Variants in KCTD16 observed in about 807,000 individuals in gnomAD.
KCTD16 encodes the protein potassium channel tetramerization domain containing 16, also known as BTB/POZ domain-containing protein KCTD16.
Under a neutral mutation model 33.2 loss-of-function variants are expected in KCTD16, and 13 were observed. That is an observed-to-expected ratio of 0.39 (90% CI 0.25 to 0.62). KCTD16 has a LOEUF of 0.62. Ranked by LOEUF, KCTD16 falls within the 20% of genes least tolerant of loss-of-function variation. The pLI is 0.50. For missense variants in KCTD16, 441 were observed against 525.1 expected, an observed-to-expected ratio of 0.84 and a Z score of 1.57; for synonymous variants, 197 against 195.3, an observed-to-expected ratio of 1.01 and a Z score of -0.07.
At position 144,209,848 on chromosome 5, in the gene KCTD16, GTA is replaced by G. The variant is rs1313507118; in HGVS notation, c.832+2311_832+2312del. ...TATAAATATATATATATTTATATGTGTATATATATACACATATATATGTGTGT... is the reference window on the plus strand; with the variant it reads ...TATAAATATATATATATTTATATGTGTATATATACACATATATATGTGTGT... On this transcript the variant is annotated intron_variant, in intron 3 of 3. Coordinates refer to ENST00000512467, the MANE Select transcript of KCTD16 (RefSeq NM_020768.4). 3.6e-4 allele frequency among the ~76,000 whole-genome samples: 52 copies of G among 143,954 alleles called. 1 individual carries two copies. The highest frequency in any genetic ancestry group is 1.3e-3 in the African/African-American group (52 of 38,996). 94.4% of individuals were successfully genotyped at this position (143,954 alleles called of 152,430 possible).
chr5:144,386,569 A>G (rs183939485), intron 3 of KCTD16, among the ~76,000 whole-genome samples: 287 of 152,298 alleles, frequency 1.9e-3, no homozygotes, highest in Admixed American at 2.9e-3. Context: ...CATTGTAAAT[A>G]CTCAATACAT....
intron 3 of KCTD16, among the ~76,000 whole-genome samples, chr5:144,363,816 G>C (rs146011631): frequency 2.6e-5 from 4 of 152,252 alleles, no homozygotes; most frequent in African/African-American, 9.6e-5. Flanking sequence ...CTTTTCCCTT[G>C]TCTTCTGCCT....
chr5:144,209,247 G>A (rs2126792023), intron 3 of KCTD16, among the ~76,000 whole-genome samples: 1 of 152,242 alleles, frequency 6.6e-6, no homozygotes, highest in South Asian at 2.1e-4. Flanking sequence ...ACATAAATGA[G>A]ACCCACACAC....
chr5:144,181,090 G>A (rs566320484), intron 2 of KCTD16, among the ~76,000 whole-genome samples: 6 of 151,972 alleles, frequency 3.9e-5, no homozygotes, highest in African/African-American at 9.6e-5. Context: ...CCACCACCAC[G>A]CCCGGCTAAT....
intron 3 of KCTD16, among the ~76,000 whole-genome samples, chr5:144,375,714 A>G (rs1186919556): frequency 6.6e-6 from 1 of 152,150 alleles, no homozygotes; most frequent in Admixed American, 6.5e-5. Context: ...TGGTGTTCCC[A>G]TTTGAAAATG....
intron 2 of KCTD16, among the ~76,000 whole-genome samples, chr5:144,183,633 T>G (rs1377686609): frequency 1.3e-5 from 2 of 152,196 alleles, no homozygotes; most frequent in Non-Finnish European, 2.9e-5. Context: ...GCGGGACTAG[T>G]CTGGTGTCAC....
chr5:144,195,319 A>ATC (rs1752920830), intron 2 of KCTD16, among the ~76,000 whole-genome samples: 2 of 152,292 alleles, frequency 1.3e-5, no homozygotes, highest in African/African-American at 4.8e-5. Context: ...GTCCTTCAAA[A>ATC]TCTCAAAGGA....
intron 3 of KCTD16, among the ~76,000 whole-genome samples, chr5:144,471,826 T>A (rs150444731): frequency 2.0e-5 from 3 of 152,238 alleles, no homozygotes; most frequent in Admixed American, 6.5e-5. Context: ...AATGGCTCTA[T>A]AAATACGATG....
intron 3 of KCTD16, among the ~76,000 whole-genome samples, chr5:144,298,700 G>T (rs1756116400): frequency 6.6e-6 from 1 of 152,132 alleles, no homozygotes; most frequent in African/African-American, 2.4e-5. Flanking sequence ...CATTTAACAA[G>T]TCTCTCAAAA....
intron 3 of KCTD16, among the ~76,000 whole-genome samples, chr5:144,426,840 C>A (rs1314601513): frequency 6.6e-6 from 1 of 152,058 alleles, no homozygotes; most frequent in Non-Finnish European, 1.5e-5. Context: ...TGCCATTAAT[C>A]CATTGATAAG....
At chr5:144,267,506 C>A (rs1452306168) in intron 3 of KCTD16, among the ~76,000 whole-genome samples, 1 of 152,154 alleles carries the variant, frequency 6.6e-6, no homozygotes, top group African/African-American at 2.4e-5. Context: ...AGAAGGCAAG[C>A]AGCAAATATT....
At chr5:144,461,198 A>G (rs561429280) in intron 3 of KCTD16, among the ~76,000 whole-genome samples, 2 of 152,228 alleles carry the variant, frequency 1.3e-5, no homozygotes, top group Non-Finnish European at 2.9e-5. Context: ...CATGTCACAA[A>G]GAATTATTGA....
chr5:144,247,367 C>T (rs554474636), intron 3 of KCTD16, among the ~76,000 whole-genome samples: 1 of 152,320 alleles, frequency 6.6e-6, no homozygotes, highest in Non-Finnish European at 1.5e-5. Flanking sequence ...AGAGAGACTA[C>T]TGGGAGGCTC....
chr5:144,209,850 A>G (rs1033258752), intron 3 of KCTD16, among the ~76,000 whole-genome samples: 69 of 146,136 alleles, frequency 4.7e-4, no homozygotes, highest in Non-Finnish European at 7.0e-4. Flanking sequence ...TTATATGTGT[A>G]TATATATACA....
chr5:144,468,702 C>G (rs1754403843), intron 3 of KCTD16, among the ~76,000 whole-genome samples: 1 of 152,202 alleles, frequency 6.6e-6, no homozygotes, highest in Non-Finnish European at 1.5e-5. Flanking sequence ...ATCTGGCCAC[C>G]TAGCTCCCAG....
intron 3 of KCTD16, among the ~76,000 whole-genome samples, chr5:144,312,155 C>T (rs1468573400): frequency 6.6e-6 from 1 of 152,142 alleles, no homozygotes; most frequent in Non-Finnish European, 1.5e-5. Flanking sequence ...CGAATTATCC[C>T]AAATCAAAGA....
intron 3 of KCTD16, among the ~76,000 whole-genome samples, chr5:144,263,272 T>C (rs1755059534): frequency 1.3e-5 from 2 of 152,222 alleles, no homozygotes; most frequent in African/African-American, 4.8e-5. Context: ...GAGATGTTTG[T>C]TGGTGGCAAG....
rs1754690579 is a variant in KCTD16, at chr5:144,480,800, A to C, written c.*6686A>C. 1 of 151,998 alleles carries C rather than the reference A, an allele frequency of 6.6e-6. No individual in the cohort carries two copies. Among genetic ancestry groups the C allele is most frequent in the Non-Finnish European group, 1.5e-5 (1 of 67,940 alleles). 9.4% of individuals were successfully genotyped at this position (151,998 alleles called of 1,614,324 possible). A position where few individuals can be genotyped will look rare whatever the true frequency, so the allele number is the denominator to read the frequency against. On this transcript the variant is annotated 3_prime_UTR_variant, in exon 4 of 4. Coordinates refer to ENST00000512467, the MANE Select transcript of KCTD16 (RefSeq NM_020768.4). ...AAAAGTTATCCAGCCCACAATGTCAATAGTGCTTAGCTTGAGAAACTCTAA... is the reference window on the plus strand; with the variant it reads ...AAAAGTTATCCAGCCCACAATGTCACTAGTGCTTAGCTTGAGAAACTCTAA...
chr5:144,193,084 C>G (rs934725281), intron 2 of KCTD16, among the ~76,000 whole-genome samples: 3 of 152,324 alleles, frequency 2.0e-5, no homozygotes, highest in East Asian at 3.9e-4. Context: ...CTACTTCACT[C>G]TGGTCTGAGA....
Sources: allele counts gnomAD v4.1 joint callset (sites outside exome capture counted in the v4.1 genomes callset), GRCh38; gene constraint gnomAD v4.1.1; transcripts MANE v1.5; gene names NCBI Gene and HGNC (gene_info 2026-07-23, HGNC 2026-07-21).